The following CYFIP1 variants were observed in gnomAD, a reference collection of about 807,000 sequenced individuals.
The protein encoded by CYFIP1 is cytoplasmic FMR1-interacting protein 1.
Under a neutral mutation model 163.5 loss-of-function variants are expected in CYFIP1, and 58 were observed. The observed-to-expected ratio is 0.35, with a 90% CI of 0.29 to 0.44. CYFIP1 has a LOEUF of 0.44. Among genes scored for constraint, CYFIP1 ranks in the 20% least tolerant of loss-of-function variants. CYFIP1 has a pLI of 1.00. For synonymous variants in CYFIP1, 663 were observed against 660.7 expected (o/e 1.00, Z -0.05); for missense variants, 1,338 against 1,653.8 (o/e 0.81, Z 3.31).
At chr15:22,975,024 T>A (rs977618611) in intron 1 of CYFIP1, among the ~76,000 whole-genome samples, 1 of 152,072 alleles carries the variant, frequency 6.6e-6, no homozygotes, top group Non-Finnish European at 1.5e-5. Context: ...ACCTTTCTGA[T>A]GATCCACTTC....
At chr15:22,928,556 C>T (rs1012969366) in intron 11 of CYFIP1, among the ~76,000 whole-genome samples, 3 of 152,140 alleles carry the variant, frequency 2.0e-5, no homozygotes, top group African/African-American at 7.2e-5. Context: ...TGGGGGACCG[C>T]GGGCTGGGCG....
chr15:22,967,678 C>G lies in CYFIP1; in HGVS notation c.-7+12609G>C, dbSNP rs750057019. 1.5e-3 allele frequency among the ~76,000 whole-genome samples: 225 copies of G among 152,310 alleles called. 1 individual carries two copies. The highest frequency in any genetic ancestry group is 1.8e-3 in the Non-Finnish European group (123 of 68,030). ...GGGCAACCAAGAGCTCCAGAGGCTT[C>G]TCAGGTGCCCATCACAGGTCACAGT... On this transcript the variant is annotated intron_variant, in intron 1 of 30. Transcript: ENST00000617928.
chr15:22,942,936 G>A (rs557638076), intron 6 of CYFIP1, among the ~76,000 whole-genome samples: 270 of 152,320 alleles, frequency 1.8e-3, no homozygotes, highest in African/African-American at 6.1e-3. Flanking sequence ...TCTGAGGACA[G>A]CCAGGGCACG....
intron 14 of CYFIP1, among the ~76,000 whole-genome samples, chr15:22,918,152 T>C (rs1393709439): frequency 1.3e-5 from 2 of 152,204 alleles, no homozygotes; most frequent in African/African-American, 4.8e-5. Context: ...CCCAGAAGAC[T>C]GCCCTGAGCT....
chr15:22,934,714 G>A (rs994745994), intron 9 of CYFIP1, among the ~76,000 whole-genome samples: 2 of 150,822 alleles, frequency 1.3e-5, no homozygotes, highest in Admixed American at 1.3e-4. Context: ...TAGCCAGGAT[G>A]GTCTCGATCT....
rs1269503010 is a variant in CYFIP1, at chr15:22,903,755, G to A, written c.2539C>T (p.Leu847Phe). 2 of 1,614,038 alleles carry A rather than the reference G, an allele frequency of 1.2e-6. No individual in the cohort carries two copies. Among genetic ancestry groups the A allele is most frequent in the Non-Finnish European group, 1.7e-6 (2 of 1,180,048 alleles). ...GRITLHVFWE[L>F]NYDFLPNYCY... Reference sequence around the variant, plus strand: ...TAGTTGGGCAGGAAGTCATAGTTGAGCTCCCAGAAGACGTGCAGGGTGATC... The same window carrying A: ...TAGTTGGGCAGGAAGTCATAGTTGAACTCCCAGAAGACGTGCAGGGTGATC... Residue 847 changes from leucine (L) to phenylalanine (F), a missense_variant, in exon 22 of 31, where the codon CTC becomes TTC. Coordinates refer to ENST00000617928, the MANE Select transcript of CYFIP1 (RefSeq NM_014608.6).
chr15:22,881,007 T>G (rs2059745930), intron 25 of CYFIP1, among the ~76,000 whole-genome samples: 1 of 152,180 alleles, frequency 6.6e-6, no homozygotes, highest in Non-Finnish European at 1.5e-5. Context: ...TTTCTGACAA[T>G]AAACTGAAAA....
Position 22,917,041 on chromosome 15 carries a change from C to T in CYFIP1, c.1675-411G>A. 1.3e-6 allele frequency: 2 copies of T among 1,530,526 alleles called. No individual in the cohort carries two copies. The highest frequency in any genetic ancestry group is 1.8e-6 in the Non-Finnish European group (2 of 1,137,106). The allele number at this position is 1,530,526 out of a possible 1,614,324, so 94.8% of individuals were successfully genotyped here. On this transcript the variant is annotated intron_variant, in intron 15 of 30. Coordinates refer to ENST00000617928, the MANE Select transcript of CYFIP1 (RefSeq NM_014608.6). The surrounding 1 kb of genome is among the most constrained non-coding windows in gnomAD (Gnocchi z 4.2). ...CGCACCAGGTAGAGCTAGACACGGA[C>T]AGACAGGAGGGAGAGGCAGGAGAGA... is the stretch of plus-strand genomic sequence containing the variant.
Position 22,868,224 on chromosome 15 carries a change from T to G in CYFIP1, c.*1804A>C, listed in dbSNP as rs1450694874. 1.3e-5 allele frequency: 2 copies of G among 152,216 alleles called. No homozygotes were observed. The highest frequency in any genetic ancestry group is 2.4e-5 in the African/African-American group (1 of 41,444). The allele number at this position is 152,216 out of a possible 1,614,324, so 9.4% of individuals were successfully genotyped here. A position where few individuals can be genotyped will look rare whatever the true frequency, so the allele number is the denominator to read the frequency against. ...GTTTTAGATGTTTTTTCTAACTGCC[T>G]CCTCCCATGCCATTTTAATACTACA... On this transcript the variant is annotated 3_prime_UTR_variant, in exon 31 of 31. Transcript: ENST00000617928.
Position 22,868,800 on chromosome 15 carries a change from G to A in CYFIP1, c.*1228C>T, listed in dbSNP as rs987621553. The stretch of plus-strand genomic sequence containing the variant: ...ATCCATAGAAAATTTTAAAATTGGT[G>A]AAGGTTGCAATACTCCAAATAATGT... On this transcript the variant is annotated 3_prime_UTR_variant, in exon 31 of 31. Transcript: ENST00000617928. 9.9e-5 allele frequency: 15 copies of A among 152,142 alleles called. No homozygotes were observed. Among genetic ancestry groups the A allele is most frequent in the African/African-American group, 3.4e-4 (14 of 41,434 alleles). The allele number at this position is 152,142 out of a possible 1,614,324, so 9.4% of individuals were successfully genotyped here.
At chr15:22,962,523 C>T (rs539029028) in intron 1 of CYFIP1, among the ~76,000 whole-genome samples, 15 of 151,974 alleles carry the variant, frequency 9.9e-5, no homozygotes, top group African/African-American at 2.7e-4. Context: ...CTAAGCCTCC[C>T]GAGTAGCTGG....
At chr15:22,886,060 G>A (rs1400205814) in intron 23 of CYFIP1, among the ~76,000 whole-genome samples, 2 of 152,134 alleles carry the variant, frequency 1.3e-5, no homozygotes, top group Non-Finnish European at 1.5e-5. Context: ...AGGTGAAGGG[G>A]GAGCAGGCAC....
chr15:22,936,022 G>A (rs1333835973), intron 9 of CYFIP1, among the ~76,000 whole-genome samples: 1 of 152,104 alleles, frequency 6.6e-6, no homozygotes, highest in African/African-American at 2.4e-5. Context: ...CTGTAATCTT[G>A]GCACTTTGAG....
chr15:22,907,076 A>C (rs2060610524), intron 21 of CYFIP1, among the ~76,000 whole-genome samples: 1 of 151,966 alleles, frequency 6.6e-6, no homozygotes. Context: ...CATGATCCTA[A>C]CCCTTACCAG....
chr15:22,890,535 G>A (rs915556081), intron 23 of CYFIP1, among the ~76,000 whole-genome samples: 1 of 152,190 alleles, frequency 6.6e-6, no homozygotes, highest in Non-Finnish European at 1.5e-5. Flanking sequence ...GTACCTGTCT[G>A]GATGCCCTCC....
chr15:22,950,624 C>T (rs897445939), intron 1 of CYFIP1, among the ~76,000 whole-genome samples: 1 of 152,224 alleles, frequency 6.6e-6, no homozygotes, highest in African/African-American at 2.4e-5. Flanking sequence ...ACAAACACTC[C>T]GTAAGTTTTA....
intron 1 of CYFIP1, among the ~76,000 whole-genome samples, chr15:22,964,403 ACACAC>A (rs2062828815): frequency 1.5e-5 from 2 of 137,298 alleles, no homozygotes; most frequent in South Asian, 4.9e-4. Flanking sequence ...ACACACACAC[ACACAC>A]CCGGCAGCCC....
At chr15:22,955,595 G>T (rs56325056) in intron 1 of CYFIP1, among the ~76,000 whole-genome samples, 9 of 152,122 alleles carry the variant, frequency 5.9e-5, no homozygotes, top group Non-Finnish European at 1.3e-4. Context: ...GGAGAAAGTT[G>T]GAGACAGCAG....
At chr15:22,945,723 G>A (rs1030698777) in intron 3 of CYFIP1, among the ~76,000 whole-genome samples, 6 of 151,136 alleles carry the variant, frequency 4.0e-5, no homozygotes, top group African/African-American at 9.7e-5. Flanking sequence ...ACAGGTGTGC[G>A]CACCACCATG....
Sources: allele counts gnomAD v4.1 joint callset (sites outside exome capture counted in the v4.1 genomes callset), GRCh38; gene constraint gnomAD v4.1.1; non-coding constraint Gnocchi (gnomAD v3.1); transcripts MANE v1.5; gene names NCBI Gene and HGNC (gene_info 2026-07-23, HGNC 2026-07-21).